GNG4: variants seen among roughly 807,000 people sequenced by gnomAD.
GNG4 encodes G protein subunit gamma 4.
Under a neutral mutation model 5.8 loss-of-function variants are expected in GNG4, and 4 were observed. The observed-to-expected ratio is 0.69, with a 90% confidence interval of 0.34 to 1.57. The LOEUF (loss-of-function observed/expected upper bound fraction) is 1.57, where lower values mean the gene tolerates loss of function less well. Ranked by LOEUF, GNG4 falls within the 40% of genes most tolerant of loss-of-function variation. The pLI, the probability that GNG4 is intolerant of heterozygous loss-of-function variation, is 0.06. For synonymous variants in GNG4, 29 were observed against 32.9 expected, an observed-to-expected ratio of 0.88 and a Z score of 0.41; for missense variants, 96 against 95.1, an observed-to-expected ratio of 1.01 and a Z score of -0.04.
chr1:235,592,737 A>T (rs953453624), intron 2 of GNG4, among the ~76,000 whole-genome samples: 1 of 152,158 alleles, frequency 6.6e-6, no homozygotes, highest in Non-Finnish European at 1.5e-5. Context: ...TCGATTTTAC[A>T]ATCTTACCTG....
At position 235,642,232 on chromosome 1, in the gene GNG4, C is replaced by CCGTGCAGGTGT. The variant is rs1411521668; in HGVS notation, c.-123+7419_-123+7429dup. ...GGCGGGGTGAGCCTTGGCCCCGCTC[C>CCGTGCAGGTGT]CGTGCAGGTGTCGCGGGTAAGCTGC... On this transcript the variant is annotated intron_variant, in intron 1 of 3. Transcript: ENST00000391854. This position sits in a 1 kb window ranked among gnomAD's most constrained non-coding sequence, Gnocchi z 4.3. 6.6e-6 allele frequency among the ~76,000 whole-genome samples: 1 copy of CCGTGCAGGTGT among 152,240 alleles called. No homozygotes were observed. Among genetic ancestry groups the CCGTGCAGGTGT allele is most frequent in the Non-Finnish European group, 1.5e-5 (1 of 68,044 alleles).
intron 1 of GNG4, among the ~76,000 whole-genome samples, chr1:235,625,921 C>T (rs933475735): frequency 6.6e-6 from 1 of 152,142 alleles, no homozygotes; most frequent in African/African-American, 2.4e-5. Flanking sequence ...TTCGTGTGAA[C>T]ATAAGTTTTC....
At chr1:235,647,610 C>T (rs1558509082) in intron 1 of GNG4, among the ~76,000 whole-genome samples, 1 of 152,160 alleles carries the variant, frequency 6.6e-6, no homozygotes, top group Non-Finnish European at 1.5e-5. Flanking sequence ...CCTCCTGAGA[C>T]AGCTGTGGCT....
At chr1:235,595,203 T>G (rs914871510) in intron 2 of GNG4, among the ~76,000 whole-genome samples, 197 bp downstream of exon 2, 2 of 152,088 alleles carry the variant, frequency 1.3e-5, no homozygotes, top group African/African-American at 4.8e-5. Flanking sequence ...AAAAGGTTTC[T>G]AAGGGCCCCG....
chr1:235,647,666 T>C (rs1177058527), intron 1 of GNG4, among the ~76,000 whole-genome samples: 1 of 152,008 alleles, frequency 6.6e-6, no homozygotes, highest in Non-Finnish European at 1.5e-5. Flanking sequence ...CTCATGTTGT[T>C]TATTTATTTT....
chr1:235,593,640 A>G (rs1392751739), intron 2 of GNG4, among the ~76,000 whole-genome samples: 4 of 152,066 alleles, frequency 2.6e-5, no homozygotes, highest in African/African-American at 9.7e-5. Context: ...GCTACTGCTG[A>G]TGTTCGGATA....
chr1:235,622,885 A>AAAAAAAT (rs1351338295), intron 1 of GNG4, among the ~76,000 whole-genome samples: 3 of 149,694 alleles, frequency 2.0e-5, no homozygotes, highest in African/African-American at 7.4e-5. Flanking sequence ...AAAAAAAAAA[A>AAAAAAAT]AAAAAATAGC....
intron 1 of GNG4, 38 bp from the exon 2 acceptor site, chr1:235,595,549 G>T (rs1200260184): frequency 2.6e-5 from 4 of 152,192 alleles, no homozygotes; most frequent in African/African-American, 7.2e-5. Context: ...GAGGTGTGGG[G>T]ACTCCCTGGC....
At chr1:235,556,825 T>C (rs1272502943) in intron 3 of GNG4, among the ~76,000 whole-genome samples, 1 of 151,910 alleles carries the variant, frequency 6.6e-6, no homozygotes, top group Non-Finnish European at 1.5e-5. Flanking sequence ...CCTGAGCTTG[T>C]TTTTCTGCAA....
At chr1:235,578,287 G>T (rs1687535300) in intron 3 of GNG4, among the ~76,000 whole-genome samples, 1 of 152,204 alleles carries the variant, frequency 6.6e-6, no homozygotes, top group South Asian at 2.1e-4. Context: ...GACAAGTGTT[G>T]CTGAGTTTGG....
At chr1:235,634,213 T>C (rs1244836041) in intron 1 of GNG4, among the ~76,000 whole-genome samples, 4 of 152,226 alleles carry the variant, frequency 2.6e-5, no homozygotes, top group Non-Finnish European at 4.4e-5. Context: ...GAGTGGTTAC[T>C]GTCTGGGGCC....
At chr1:235,619,133 TAAA>T (rs71496930) in intron 1 of GNG4, among the ~76,000 whole-genome samples, 2 of 49,044 alleles carry the variant, frequency 4.1e-5, no homozygotes, top group Non-Finnish European at 7.2e-5. Context: ...ACGCTGTCTC[TAAA>T]AAAAAAAAAA....
intron 1 of GNG4, chr1:235,615,628 T>A: frequency 4.3e-6 from 1 of 230,828 alleles, no homozygotes; most frequent in Non-Finnish European, 9.5e-6. Flanking sequence ...TGCAGTGGTG[T>A]CTGGGGGCTT....
intron 1 of GNG4, among the ~76,000 whole-genome samples, chr1:235,612,474 C>T (rs1369412694): frequency 1.3e-5 from 2 of 152,166 alleles, no homozygotes; most frequent in Non-Finnish European, 2.9e-5. Flanking sequence ...ACGTGACTTT[C>T]ACAAGCGTCA....
At chr1:235,645,797 CAAAAAA>C (rs6143682) in intron 1 of GNG4, among the ~76,000 whole-genome samples, 1,754 of 90,292 alleles carry the variant, frequency 0.019, 16 homozygotes, top group Non-Finnish European at 0.026. Flanking sequence ...AACTCAGTCT[CAAAAAA>C]AAAAAAAAAA....
chr1:235,554,974 T>G (rs1460526776), intron 3 of GNG4, among the ~76,000 whole-genome samples: 3 of 152,074 alleles, frequency 2.0e-5, no homozygotes, highest in Admixed American at 6.5e-5. Flanking sequence ...TTCTCTATAA[T>G]CCTCGTTATG....
rs982346983 is a variant in GNG4, at chr1:235,549,710, A to C, written c.*2399T>G. On this transcript the variant is annotated 3_prime_UTR_variant, in exon 4 of 4. Transcript: ENST00000391854. Reference sequence around the variant, plus strand: ...AACTAAGAATGAGTTTTAACAAAAGAAGCAAGGAACAAAGATGTCCTAAAT... The same window carrying C: ...AACTAAGAATGAGTTTTAACAAAAGCAGCAAGGAACAAAGATGTCCTAAAT... 2.0e-5 allele frequency: 3 copies of C among 152,196 alleles called. No individual in the cohort carries two copies. Among genetic ancestry groups the C allele is most frequent in the East Asian group, 1.9e-4 (1 of 5,200 alleles). 9.4% of individuals were successfully genotyped at this position (152,196 alleles called of 1,614,324 possible).
At chr1:235,616,945 G>A (rs10926271) in intron 1 of GNG4, among the ~76,000 whole-genome samples, 38,396 of 130,414 alleles carry the variant, frequency 0.29, 6,413 homozygotes, top group Middle Eastern at 0.39. Context: ...ATGGGTTTTC[G>A]CCATGCTGGC....
chr1:235,558,124 C>T (rs1403402589), intron 3 of GNG4, among the ~76,000 whole-genome samples: 3 of 152,188 alleles, frequency 2.0e-5, no homozygotes, highest in Non-Finnish European at 4.4e-5. Flanking sequence ...GGAATGCACA[C>T]ACAATGAAGC....
Sources: allele counts gnomAD v4.1 joint callset (sites outside exome capture counted in the v4.1 genomes callset), GRCh38; gene constraint gnomAD v4.1.1; non-coding constraint Gnocchi (gnomAD v3.1); transcripts MANE v1.5; gene names NCBI Gene and HGNC (gene_info 2026-07-23, HGNC 2026-07-21).